CEP112: variants seen among roughly 807,000 people sequenced by gnomAD.
CEP112 encodes the protein centrosomal protein 112, also known as centrosomal protein of 112 kDa.
In CEP112, 127 loss-of-function variants were observed where a neutral mutation model predicts 153.0. The ratio of observed to expected loss-of-function variants is 0.83; its 90% CI spans 0.72 to 0.96. The LOEUF (loss-of-function observed/expected upper bound fraction) is 0.96, where lower values mean the gene tolerates loss of function less well. Ranked by LOEUF, CEP112 falls within the 40% of genes least tolerant of loss-of-function variation. The pLI is 0.00. For synonymous variants in CEP112, 358 were observed against 374.4 expected (o/e 0.96, Z 0.51); for missense variants, 1,089 against 1,101.2 (o/e 0.99, Z 0.16).
At chr17:66,150,910 T>A (rs928490151) in intron 4 of CEP112, among the ~76,000 whole-genome samples, 1 of 152,202 alleles carries the variant, frequency 6.6e-6, no homozygotes, top group African/African-American at 2.4e-5. Context: ...TACATCATGC[T>A]TATGAATAGA....
chr17:65,889,076 G>A (rs2059380543), intron 20 of CEP112, among the ~76,000 whole-genome samples: 1 of 152,086 alleles, frequency 6.6e-6, no homozygotes, highest in African/African-American at 2.4e-5. Context: ...AAACCTTACT[G>A]GTCTCAGGAG....
At chr17:65,811,034 T>C (rs1041579530) in intron 21 of CEP112, among the ~76,000 whole-genome samples, 14 of 152,216 alleles carry the variant, frequency 9.2e-5, no homozygotes, top group African/African-American at 3.4e-4. Flanking sequence ...TTGAGAAGAA[T>C]AGACGGAGAT....
rs1485048175 is a variant in CEP112 at position 65,635,904 on chromosome 17, T to G, written c.*67A>C. The G allele has an allele frequency of 3.2e-6, 5 of 1,551,016 alleles. No individual in the cohort carries two copies. In the Admixed American group the frequency reaches 7.4e-5, roughly 23 times the overall value. ...TCTCACAGTTTACAATATCCAAATC[T>G]TCAAACCTGCTGGAAGAAGTCCACA... On this transcript the variant is annotated 3_prime_UTR_variant, in exon 27 of 27. Coordinates refer to ENST00000535342, the MANE Select transcript of CEP112 (RefSeq NM_001199165.4).
chr17:65,717,756 A>C (rs1447133590), intron 23 of CEP112, among the ~76,000 whole-genome samples: 5 of 152,208 alleles, frequency 3.3e-5, no homozygotes, highest in African/African-American at 1.2e-4. Context: ...GAAAGCCAGC[A>C]GGTAGAGAAT....
At chr17:65,943,575 T>TCTA (rs2061564807) in intron 18 of CEP112, among the ~76,000 whole-genome samples, 3 of 152,170 alleles carry the variant, frequency 2.0e-5, no homozygotes, top group African/African-American at 7.2e-5. Context: ...TGCTGAGAGG[T>TCTA]CTACTGTTAG....
At chr17:66,155,712 G>C (rs1039041077) in intron 4 of CEP112, among the ~76,000 whole-genome samples, 4 of 152,178 alleles carry the variant, frequency 2.6e-5, no homozygotes, top group Non-Finnish European at 5.9e-5. Flanking sequence ...TTGGTTGGGG[G>C]AGAGGCATCC....
At chr17:65,912,566 T>C (rs1278275382) in intron 19 of CEP112, among the ~76,000 whole-genome samples, 1 of 152,204 alleles carries the variant, frequency 6.6e-6, no homozygotes, top group Admixed American at 6.5e-5. Context: ...ACTTTTCTGA[T>C]ACTTTGACCC....
chr17:65,920,010 C>T (rs2060642317), intron 19 of CEP112, among the ~76,000 whole-genome samples: 1 of 151,966 alleles, frequency 6.6e-6, no homozygotes, highest in Non-Finnish European at 1.5e-5. Context: ...TCAGTTTCTA[C>T]AACTAGAAGA....
chr17:65,672,645 A>T (rs2047042871), intron 24 of CEP112, among the ~76,000 whole-genome samples: 1 of 152,180 alleles, frequency 6.6e-6, no homozygotes, highest in Non-Finnish European at 1.5e-5. Context: ...CAAGCAAGTA[A>T]CTTGCTTAAC....
chr17:66,016,799 C>T (rs12936595), intron 16 of CEP112, among the ~76,000 whole-genome samples: 62,404 of 151,678 alleles, frequency 0.41, 14,298 homozygotes, highest in East Asian at 0.87. Context: ...TTGAGATTTA[C>T]GCCTTTAAAT....
chr17:65,969,709 G>A (rs192386903), intron 17 of CEP112, among the ~76,000 whole-genome samples: 2 of 152,254 alleles, frequency 1.3e-5, no homozygotes, highest in Admixed American at 1.3e-4. Flanking sequence ...CACGCATACA[G>A]GAATATCACA....
At chr17:66,076,928 G>C (rs1309507031) in intron 8 of CEP112, among the ~76,000 whole-genome samples, 2 of 152,114 alleles carry the variant, frequency 1.3e-5, no homozygotes, top group Admixed American at 6.5e-5. Flanking sequence ...TAGACTCGCT[G>C]GGTGGCTAGA....
At chr17:66,141,546 A>G (rs1251520921) in intron 4 of CEP112, among the ~76,000 whole-genome samples, 2 of 152,092 alleles carry the variant, frequency 1.3e-5, no homozygotes, top group East Asian at 3.9e-4. Flanking sequence ...TTTTATATGC[A>G]TTGAACAGCA....
At chr17:65,706,913 C>T (rs1235215011) in intron 23 of CEP112, among the ~76,000 whole-genome samples, 1 of 152,220 alleles carries the variant, frequency 6.6e-6, no homozygotes, top group Non-Finnish European at 1.5e-5. Context: ...AGTACCACTA[C>T]CACCCACATG....
At chr17:65,876,087 C>T (rs879294320) in intron 20 of CEP112, among the ~76,000 whole-genome samples, 1 of 152,212 alleles carries the variant, frequency 6.6e-6, no homozygotes, top group Non-Finnish European at 1.5e-5. Context: ...TCACACTCCA[C>T]TTCTGTTCCA....
At chr17:65,983,365 A>C (rs2063295774) in intron 17 of CEP112, among the ~76,000 whole-genome samples, 1 of 152,132 alleles carries the variant, frequency 6.6e-6, no homozygotes, top group East Asian at 1.9e-4. Flanking sequence ...TATTCCTTTA[A>C]TGTTGTTTAA....
At chr17:65,989,890 T>A (rs908880178) in intron 17 of CEP112, among the ~76,000 whole-genome samples, 1 of 152,184 alleles carries the variant, frequency 6.6e-6, no homozygotes, top group Non-Finnish European at 1.5e-5. Flanking sequence ...AGATAAAGTA[T>A]GTAAGTTTTT....
intron 23 of CEP112, among the ~76,000 whole-genome samples, chr17:65,702,971 T>C (rs1402827665): frequency 2.6e-5 from 4 of 152,126 alleles, no homozygotes; most frequent in Non-Finnish European, 5.9e-5. Flanking sequence ...CAATTCAAGG[T>C]GAGATCTGGG....
intron 20 of CEP112, among the ~76,000 whole-genome samples, chr17:65,865,306 T>A (rs1335068651): frequency 6.6e-6 from 1 of 152,144 alleles, no homozygotes; most frequent in Non-Finnish European, 1.5e-5. Flanking sequence ...CCTCCCAAAG[T>A]GCTGGGATTA....
Sources: gnomAD v4.1 joint callset for allele counts (sites outside exome capture counted in the v4.1 genomes callset) on GRCh38, gnomAD v4.1.1 for gene constraint, MANE v1.5 for transcripts, NCBI Gene and HGNC (gene_info 2026-07-23, HGNC 2026-07-21) for gene names.